The following CNTNAP5 variants were observed in gnomAD, a reference collection of about 807,000 sequenced individuals.
The protein encoded by CNTNAP5 is contactin-associated protein-like 5.
CNTNAP5 carries 72 observed loss-of-function variants against 150.2 expected under a neutral mutation model. The ratio of observed to expected loss-of-function variants is 0.48; its 90% confidence interval spans 0.40 to 0.58. The LOEUF (loss-of-function observed/expected upper bound fraction) is 0.58. CNTNAP5 is among the 20% of genes least tolerant of loss of function. CNTNAP5 has a pLI of 0.00. For synonymous variants in CNTNAP5, 672 were observed against 619.8 expected (o/e 1.08, Z -1.25); for missense variants, 1,636 against 1,626.2 (o/e 1.01, Z -0.10).
chr2:124,545,721 A>G (rs1036108622), intron 10 of CNTNAP5, among the ~76,000 whole-genome samples: 1 of 152,064 alleles, frequency 6.6e-6, no homozygotes, highest in Non-Finnish European at 1.5e-5. Context: ...ATGGCGTCAC[A>G]TAAAGACCTA....
At chr2:124,576,167 T>G (rs1173250091) in intron 11 of CNTNAP5, among the ~76,000 whole-genome samples, 2 of 151,986 alleles carry the variant, frequency 1.3e-5, no homozygotes, top group South Asian at 2.1e-4. Context: ...TATATCTATA[T>G]CTATATATAT....
intron 8 of CNTNAP5, 64 bp from the exon 9 acceptor site, chr2:124,524,239 G>GC: frequency 6.4e-7 from 1 of 1,552,892 alleles, no homozygotes; most frequent in Non-Finnish European, 8.8e-7. Flanking sequence ...TGGGAAATGA[G>GC]CCCCCTCTCT....
intron 3 of CNTNAP5, among the ~76,000 whole-genome samples, chr2:124,336,890 A>G (rs1264711852): frequency 6.6e-6 from 1 of 152,158 alleles, no homozygotes; most frequent in Non-Finnish European, 1.5e-5. Context: ...GTATATACCC[A>G]GTAATGGGAT....
intron 3 of CNTNAP5, among the ~76,000 whole-genome samples, chr2:124,417,217 A>G (rs1451063606): frequency 6.6e-6 from 1 of 151,960 alleles, no homozygotes; most frequent in African/African-American, 2.4e-5. Flanking sequence ...GGATTACAGG[A>G]GTGAGCCACT....
intron 13 of CNTNAP5, among the ~76,000 whole-genome samples, chr2:124,665,612 C>T (rs955226714): frequency 6.6e-6 from 1 of 152,136 alleles, no homozygotes; most frequent in South Asian, 2.1e-4. Flanking sequence ...ATTGGCCAGG[C>T]GTGGTGGCTT....
intron 16 of CNTNAP5, among the ~76,000 whole-genome samples, chr2:124,772,472 T>A (rs1033315210): frequency 5.3e-5 from 8 of 152,070 alleles, no homozygotes; most frequent in African/African-American, 2.4e-5. Flanking sequence ...TCTGCAGATA[T>A]CCTGGAGGAC....
chr2:124,402,500 G>A (rs888615007), intron 3 of CNTNAP5, among the ~76,000 whole-genome samples: 5 of 152,160 alleles, frequency 3.3e-5, no homozygotes, highest in African/African-American at 1.2e-4. Context: ...CACAACTGGT[G>A]GTGAGATCAG....
chr2:124,052,003 G>A, intron 1 of CNTNAP5, among the ~76,000 whole-genome samples: 1 of 152,050 alleles, frequency 6.6e-6, no homozygotes, highest in East Asian at 1.9e-4. Context: ...GTAGAATAAA[G>A]AAAATAACAA....
chr2:124,435,659 AT>A (rs1692514320), intron 5 of CNTNAP5, among the ~76,000 whole-genome samples: 1 of 152,216 alleles, frequency 6.6e-6, no homozygotes, highest in Admixed American at 6.5e-5. Flanking sequence ...GCAAAATGTA[AT>A]TTGTAACCCT....
At chr2:124,838,408 A>G (rs886195623) in intron 19 of CNTNAP5, among the ~76,000 whole-genome samples, 2 of 152,156 alleles carry the variant, frequency 1.3e-5, no homozygotes, top group African/African-American at 4.8e-5. Flanking sequence ...TGATGGGCAC[A>G]CAGGCTTAAG....
intron 3 of CNTNAP5, among the ~76,000 whole-genome samples, chr2:124,408,370 G>A (rs1691649908): frequency 6.6e-6 from 1 of 152,342 alleles, no homozygotes; most frequent in East Asian, 1.9e-4. Flanking sequence ...CTCGGACTGG[G>A]TGGAGCCCAC....
intron 13 of CNTNAP5, among the ~76,000 whole-genome samples, chr2:124,728,581 A>C (rs1399541647): frequency 1.3e-5 from 2 of 152,070 alleles, no homozygotes; most frequent in African/African-American, 4.8e-5. Context: ...AATATCTTTA[A>C]ATATTTTAAT....
intron 10 of CNTNAP5, among the ~76,000 whole-genome samples, chr2:124,536,370 A>G (rs1695231464): frequency 6.6e-6 from 1 of 152,166 alleles, no homozygotes; most frequent in Non-Finnish European, 1.5e-5. Context: ...TCACCTGGCA[A>G]CTTGTTAGAA....
intron 1 of CNTNAP5, among the ~76,000 whole-genome samples, chr2:124,149,215 A>G (rs1433772539): frequency 6.6e-6 from 1 of 151,982 alleles, no homozygotes. Context: ...TACTCTCATT[A>G]TCCTTCCAGT....
At chr2:124,507,342 C>T (rs2104866673) in intron 8 of CNTNAP5, among the ~76,000 whole-genome samples, 1 of 152,072 alleles carries the variant, frequency 6.6e-6, no homozygotes, top group Admixed American at 6.5e-5. Context: ...CCTGTAGTAC[C>T]AGCTACTCGT....
intron 17 of CNTNAP5, among the ~76,000 whole-genome samples, chr2:124,777,576 T>C (rs1681352784): frequency 6.6e-6 from 1 of 152,166 alleles, no homozygotes; most frequent in Admixed American, 6.5e-5. Flanking sequence ...AGAGATAGGG[T>C]TTCACCTTGT....
chr2:124,902,511 A>G (rs1378435598), intron 21 of CNTNAP5, among the ~76,000 whole-genome samples: 1 of 152,214 alleles, frequency 6.6e-6, no homozygotes, highest in East Asian at 1.9e-4. Flanking sequence ...AATCACCAGT[A>G]TCCAAAGATA....
At chr2:124,279,102 T>C (rs1478678796) in intron 3 of CNTNAP5, among the ~76,000 whole-genome samples, 2 of 151,996 alleles carry the variant, frequency 1.3e-5, no homozygotes, top group African/African-American at 2.4e-5. Flanking sequence ...AAGTATTTCC[T>C]GGGACAGCTC....
chr2:124,566,767 G>T (rs1233258210), intron 11 of CNTNAP5, among the ~76,000 whole-genome samples: 1 of 152,104 alleles, frequency 6.6e-6, no homozygotes, highest in Non-Finnish European at 1.5e-5. Flanking sequence ...GAGGACCATT[G>T]TTTTTAGTCA....
Sources: allele counts gnomAD v4.1 joint callset (sites outside exome capture counted in the v4.1 genomes callset), GRCh38; gene constraint gnomAD v4.1.1; transcripts MANE v1.5; gene names NCBI Gene and HGNC (gene_info 2026-07-23, HGNC 2026-07-21).